Variants in SREBF2 observed in about 807,000 individuals in gnomAD.
SREBF2 encodes sterol regulatory element-binding protein 2.
SREBF2 carries 55 observed loss-of-function variants against 113.1 expected under a neutral mutation model. The observed-to-expected ratio is 0.49, with a 90% CI of 0.39 to 0.61. The LOEUF is 0.61. Among genes scored for constraint, SREBF2 ranks in the 20% least tolerant of loss-of-function variants. SREBF2 has a pLI of 0.00. For synonymous variants in SREBF2, 593 were observed against 605.7 expected (o/e 0.98, Z 0.31); for missense variants, 1,349 against 1,487.4 (o/e 0.91, Z 1.53).
rs551845021 is a variant in SREBF2, at chr22:41,872,847, C to T, written c.868-951C>T. On this transcript the variant is annotated intron_variant, in intron 4 of 18. Coordinates refer to ENST00000361204, the MANE Select transcript of SREBF2 (RefSeq NM_004599.4). ...TGCAGGTTGTAGTAAGCTGTGATCA[C>T]GCCACTGCACTCCAGCTTTTGGGCA... Among the ~76,000 whole-genome samples the T allele has an allele frequency of 9.9e-5, 15 of 151,496 alleles. 1 individual carries two copies. The highest frequency in any genetic ancestry group is 3.4e-3 in the Middle Eastern group (1 of 294).
intron 11 of SREBF2, among the ~76,000 whole-genome samples, chr22:41,891,957 T>C (rs1443947687): frequency 1.3e-5 from 2 of 152,218 alleles, no homozygotes; most frequent in Non-Finnish European, 2.9e-5. Context: ...GGAATGATGT[T>C]ATCCCGGCAA....
intron 3 of SREBF2, among the ~76,000 whole-genome samples, chr22:41,869,374 G>A (rs1479743337): frequency 6.7e-6 from 1 of 148,296 alleles, no homozygotes; most frequent in Non-Finnish European, 1.5e-5. Context: ...GATTACAGAC[G>A]TGAGCCACTG....
intron 1 of SREBF2, among the ~76,000 whole-genome samples, chr22:41,848,426 A>G (rs1356394769): frequency 6.6e-6 from 1 of 152,192 alleles, no homozygotes. Context: ...TTTAAAAATA[A>G]TAAGTGGGAT....
intron 16 of SREBF2, among the ~76,000 whole-genome samples, chr22:41,902,302 G>A (rs972389897): frequency 1.3e-5 from 2 of 152,234 alleles, no homozygotes; most frequent in Non-Finnish European, 2.9e-5. Flanking sequence ...GAGTATGCAT[G>A]GCCCACATGC....
intron 1 of SREBF2, among the ~76,000 whole-genome samples, chr22:41,848,278 G>A (rs1305888739): frequency 3.9e-5 from 6 of 151,998 alleles, no homozygotes; most frequent in East Asian, 1.9e-4. Flanking sequence ...TAGTAGAGAC[G>A]GAGTTTCACC....
At chr22:41,895,031 G>C in intron 13 of SREBF2, 94 bp downstream of exon 13, 1 of 963,538 alleles carries the variant, frequency 1.0e-6, no homozygotes, top group Non-Finnish European at 1.7e-6. Context: ...AGGGAAACAA[G>C]CCTGGCATCG....
intron 1 of SREBF2, among the ~76,000 whole-genome samples, chr22:41,855,923 G>T (rs988062742): frequency 6.6e-6 from 1 of 150,456 alleles, no homozygotes; most frequent in Non-Finnish European, 1.5e-5. Flanking sequence ...GCCTGACCAA[G>T]TTTTTTTATT....
At chr22:41,902,553 G>C (rs2077473729) in intron 16 of SREBF2, among the ~76,000 whole-genome samples, 1 of 152,126 alleles carries the variant, frequency 6.6e-6, no homozygotes, top group Non-Finnish European at 1.5e-5. Flanking sequence ...GACAGGCTCT[G>C]CTGCCACTTC....
At chr22:41,857,276 C>T (rs2076986188) in intron 1 of SREBF2, among the ~76,000 whole-genome samples, 1 of 152,084 alleles carries the variant, frequency 6.6e-6, no homozygotes, top group Non-Finnish European at 1.5e-5. Flanking sequence ...GAAAGTGGAG[C>T]TGCAGATCCC....
chr22:41,887,052 C>T (rs1412060316), intron 11 of SREBF2, among the ~76,000 whole-genome samples: 1 of 151,530 alleles, frequency 6.6e-6, no homozygotes, highest in Non-Finnish European at 1.5e-5. Flanking sequence ...TACATACGTA[C>T]ATACAAACAA....
chr22:41,847,272 G>C (rs1156321757), intron 1 of SREBF2, among the ~76,000 whole-genome samples: 1 of 152,126 alleles, frequency 6.6e-6, no homozygotes, highest in Non-Finnish European at 1.5e-5. Context: ...TGATTTTGTT[G>C]GCAGTGGGTC....
At chr22:41,891,751 C>G (rs1184772659) in intron 11 of SREBF2, among the ~76,000 whole-genome samples, 1 of 152,188 alleles carries the variant, frequency 6.6e-6, no homozygotes, top group Non-Finnish European at 1.5e-5. Context: ...CCTGGGCTCC[C>G]TGGGCTTTCT....
chr22:41,877,039 G>A (rs1344780046), intron 7 of SREBF2, among the ~76,000 whole-genome samples, 190 bp from the exon 8 acceptor site: 1 of 152,170 alleles, frequency 6.6e-6, no homozygotes, highest in African/African-American at 2.4e-5. Flanking sequence ...TTAGCAAGCA[G>A]GTGAATGTGC....
intron 16 of SREBF2, among the ~76,000 whole-genome samples, chr22:41,902,110 C>A (rs753582342): frequency 2.0e-5 from 3 of 152,220 alleles, no homozygotes; most frequent in Non-Finnish European, 2.9e-5. Flanking sequence ...CTTCCTCAGG[C>A]CCAGTGTCCT....
intron 1 of SREBF2, among the ~76,000 whole-genome samples, chr22:41,853,061 A>G (rs959950070): frequency 1.3e-5 from 2 of 152,038 alleles, no homozygotes; most frequent in Admixed American, 6.6e-5. Context: ...GTGATTCTTA[A>G]TTAGTTCATG....
chr22:41,871,648 T>G (rs1031181967), intron 4 of SREBF2, among the ~76,000 whole-genome samples: 1 of 152,106 alleles, frequency 6.6e-6, no homozygotes, highest in Admixed American at 6.6e-5. Flanking sequence ...TCTCAGCACT[T>G]TGGGAGGCCA....
At chr22:41,858,519 G>A (rs1229565926) in intron 1 of SREBF2, among the ~76,000 whole-genome samples, 1 of 152,044 alleles carries the variant, frequency 6.6e-6, no homozygotes, top group Non-Finnish European at 1.5e-5. Context: ...AAGGTGGGAG[G>A]ATCGCATGAG....
intron 1 of SREBF2, among the ~76,000 whole-genome samples, chr22:41,864,265 C>T (rs112903417): frequency 0.02 from 1,495 of 75,732 alleles, 39 homozygotes; most frequent in African/African-American, 0.061. Flanking sequence ...TATATATACA[C>T]ACACACACAC....
At position 41,906,460 on chromosome 22, in the gene SREBF2, A is replaced by G. The variant is rs6002530; in HGVS notation, c.*800A>G. The G allele has an allele frequency of 0.069, 11,610 of 167,186 alleles. 1,442 individuals carry two copies. Among genetic ancestry groups the G allele is most frequent in the African/African-American group, 0.26 (10,947 of 41,622 alleles). The allele number at this position is 167,186 out of a possible 1,614,324, so 10.4% of individuals were successfully genotyped here. A position where few individuals can be genotyped will look rare whatever the true frequency, so the allele number is the denominator to read the frequency against. On this transcript the variant is annotated 3_prime_UTR_variant, in exon 19 of 19. Coordinates refer to ENST00000361204, the MANE Select transcript of SREBF2 (RefSeq NM_004599.4). The stretch of plus-strand genomic sequence containing the variant: ...GGGGCTGGGAGAAATGAAGCCACCC[A>G]TGGGGACTGGGGACCAGGGGCCTTC...
Sources: allele counts gnomAD v4.1 joint callset (sites outside exome capture counted in the v4.1 genomes callset), GRCh38; gene constraint gnomAD v4.1.1; transcripts MANE v1.5; gene names NCBI Gene and HGNC (gene_info 2026-07-23, HGNC 2026-07-21).